The following SMG7 variants were observed in gnomAD, a reference collection of about 807,000 sequenced individuals.
SMG7 encodes nonsense-mediated mRNA decay factor SMG7.
Under a neutral mutation model 148.2 loss-of-function variants are expected in SMG7, and 34 were observed. That is an observed-to-expected ratio of 0.23 (90% CI 0.17 to 0.31). The LOEUF is 0.31. Among genes scored for constraint, SMG7 ranks in the 10% least tolerant of loss-of-function variants. The probability of loss-of-function intolerance (pLI) is 1.00; values close to 1 mark genes in which losing one functional copy is unlikely to be tolerated. For missense variants in SMG7, 1,114 were observed against 1,408.4 expected, an observed-to-expected ratio of 0.79 and a Z score of 3.35; for synonymous variants, 492 against 515.1, an observed-to-expected ratio of 0.96 and a Z score of 0.61.
At chr1:183,483,489 A>AT (rs1424636965) in intron 1 of SMG7, among the ~76,000 whole-genome samples, 1 of 152,052 alleles carries the variant, frequency 6.6e-6, no homozygotes, top group Admixed American at 6.6e-5. Flanking sequence ...CTTACTTGAA[A>AT]TTTTTTTTAT....
At position 183,546,238 on chromosome 1, in the gene SMG7, A is replaced by G; in HGVS notation, c.2643A>G (p.Arg881=). The change falls in exon 17 of 23, where the codon AGA becomes AGG. Residue 881 remains arginine (R), a synonymous_variant. Coordinates refer to ENST00000688051, the MANE Select transcript of SMG7 (RefSeq NM_001375584.1). ...WDSSYSMADN[R]SVMAQQANID... is the part of the protein sequence containing the mutation. The stretch of plus-strand genomic sequence containing the variant: ...CTTCCTACAGCATGGCTGATAACAG[A>G]TCTGTAATGGCACAGCAAGCAAACA... 3 of 1,614,084 alleles carry G rather than the reference A, an allele frequency of 1.9e-6. No individual in the cohort carries two copies. Among genetic ancestry groups the G allele is most frequent in the Non-Finnish European group, 1.7e-6 (2 of 1,179,972 alleles).
intron 16 of SMG7, 43 bp downstream of exon 16, chr1:183,545,355 G>T (rs1159825268): frequency 1.3e-6 from 2 of 1,567,844 alleles, no homozygotes; most frequent in Non-Finnish European, 8.6e-7. Context: ...ATGAAATAAG[G>T]GGAAATGCTG....
At chr1:183,474,160 G>A (rs74132144) in intron 1 of SMG7, among the ~76,000 whole-genome samples, 2,149 of 152,294 alleles carry the variant, frequency 0.014, 53 homozygotes, top group African/African-American at 0.048. Context: ...TGTTGTAGGT[G>A]CTATAGAGAG....
chr1:183,499,186 A>C (rs1659222256), intron 1 of SMG7, among the ~76,000 whole-genome samples: 1 of 152,176 alleles, frequency 6.6e-6, no homozygotes, highest in Non-Finnish European at 1.5e-5. Flanking sequence ...TGAATGGATA[A>C]ATTAGTTTTC....
chr1:183,488,988 CTTTT>C (rs933179568), intron 1 of SMG7, among the ~76,000 whole-genome samples: 1 of 151,948 alleles, frequency 6.6e-6, no homozygotes, highest in Non-Finnish European at 1.5e-5. Context: ...CTGGCCAAGG[CTTTT>C]TTTCTTTTTA....
At chr1:183,490,135 G>T (rs972807404) in intron 1 of SMG7, among the ~76,000 whole-genome samples, 2 of 152,206 alleles carry the variant, frequency 1.3e-5, no homozygotes, top group Non-Finnish European at 2.9e-5. Context: ...TCTTAGATTG[G>T]TCAGGGAAGG....
At chr1:183,500,645 A>C (rs1659518743) in intron 1 of SMG7, among the ~76,000 whole-genome samples, 1 of 152,166 alleles carries the variant, frequency 6.6e-6, no homozygotes, top group Admixed American at 6.5e-5. Flanking sequence ...TGTGGGCATT[A>C]AGATGCACTG....
In SMG7 at chr1:183,545,187, G is replaced by A. The variant is rs372917832; in HGVS notation, c.2245G>A (p.Ala749Thr). ...CCAGCAACCCCTTACATCTTTACCA[G>A]CTCAGCCAACAGCACAGTCTACAAG... ...PSQQPLTSLP[A>T]QPTAQSTSQL... The change falls in exon 16 of 23, where the codon GCT becomes ACT. Residue 749 changes from alanine to threonine, a missense_variant. By Grantham distance (58) the Ala-to-Thr change is moderately conservative. Around this residue, in one of 4 missense-constraint regions of SMG7, gnomAD observed 788 missense variants for 894.5 expected, o/e 0.88. Coordinates refer to ENST00000688051, the MANE Select transcript of SMG7 (RefSeq NM_001375584.1). The A allele has an allele frequency of 6.2e-7, 1 of 1,613,986 alleles. No homozygotes were observed. The highest frequency in any genetic ancestry group is 1.3e-5 in the African/African-American group (1 of 74,904).
At chr1:183,549,016 A>G (rs1055035427) in intron 18 of SMG7, 192 bp from the exon 19 acceptor site, 25 of 586,816 alleles carry the variant, frequency 4.3e-5, no homozygotes, top group South Asian at 8.4e-5. Flanking sequence ...GGAGGATTCT[A>G]TGCACCTGTG....
rs1296990864 is a variant in SMG7, at chr1:183,547,102, G to A, written c.2743-1G>A. ...CTCACTGTGATGCTTTCTGTCACTA[G>A]GACCCCAAGAGCTCCCCTCTGCTTC... On this transcript the variant is annotated splice_acceptor_variant, in intron 17 of 22. Coordinates refer to ENST00000688051, the MANE Select transcript of SMG7 (RefSeq NM_001375584.1). LOFTEE classifies it high-confidence loss of function. The A allele has an allele frequency of 6.5e-7, 1 of 1,548,382 alleles. No homozygotes were observed. Among genetic ancestry groups the A allele is most frequent in the Non-Finnish European group, 8.7e-7 (1 of 1,146,060 alleles).
In SMG7 at chr1:183,477,656, A is replaced by G. The variant is rs983654887; in HGVS notation, c.29+5007A>G. 1.1e-4 allele frequency among the ~76,000 whole-genome samples: 15 copies of G among 135,290 alleles called. 1 individual carries two copies. Among genetic ancestry groups the G allele is most frequent in the African/African-American group, 2.8e-4 (10 of 35,290 alleles). 88.8% of individuals were successfully genotyped at this position (135,290 alleles called of 152,430 possible). Reference sequence around the variant, plus strand: ...TATATATGCATATATACGTGTGTGCATATGTGTATATATGCATATATACGT... The same window carrying G: ...TATATATGCATATATACGTGTGTGCGTATGTGTATATATGCATATATACGT... On this transcript the variant is annotated intron_variant, in intron 1 of 22. Transcript: ENST00000688051.
rs1386836959 is a variant in SMG7, at chr1:183,550,804, C to G, written c.3187C>G (p.Pro1063Ala). 4.3e-6 allele frequency: 7 copies of G among 1,614,156 alleles called. No homozygotes were observed. The Middle Eastern group carries it at 6.6e-4, about 152-fold the overall frequency. ...TCATTCCTCTAACCCAAGCAGCCTA[C>G]CCAGCTCTCCTCCAACACACAACCA... Reference protein sequence around the residue: ...SPHSSNPSSLPSSPPTHNHNS... With the variant: ...SPHSSNPSSLASSPPTHNHNS... Residue 1063 changes from proline to alanine, a missense_variant, in exon 21 of 23, where the codon CCC (proline) becomes GCC (alanine). Transcript: ENST00000688051.
At chr1:183,550,946 G>A in intron 21 of SMG7, 25 bp downstream of exon 21, 1 of 1,613,880 alleles carries the variant, frequency 6.2e-7, no homozygotes, top group Non-Finnish European at 8.5e-7. Flanking sequence ...TCATTGCCAG[G>A]CAAAATTGAA....
chr1:183,542,927 ATGTG>A (rs3979479), intron 14 of SMG7, among the ~76,000 whole-genome samples: 2,850 of 85,100 alleles, frequency 0.033, 92 homozygotes, highest in African/African-American at 0.096. Context: ...ATATATATAT[ATGTG>A]TGTGTGTGTG....
At chr1:183,551,222 A>G in intron 22 of SMG7, 32 bp downstream of exon 22, 1 of 1,542,338 alleles carries the variant, frequency 6.5e-7, no homozygotes, top group Non-Finnish European at 8.7e-7. Flanking sequence ...GAACCACAAG[A>G]TTATTACAGC....
intron 1 of SMG7, among the ~76,000 whole-genome samples, chr1:183,507,730 T>C (rs1449541252): frequency 2.0e-5 from 3 of 152,210 alleles, no homozygotes; most frequent in Non-Finnish European, 4.4e-5. Context: ...ACCTGTAGTA[T>C]AGTATATAGT....
chr1:183,503,032 A>C (rs1660087069), intron 1 of SMG7, among the ~76,000 whole-genome samples: 1 of 152,220 alleles, frequency 6.6e-6, no homozygotes, highest in South Asian at 2.1e-4. Context: ...GGCCTTAAAT[A>C]TGTTTATGAG....
chr1:183,502,665 A>T (rs1660000985), intron 1 of SMG7, among the ~76,000 whole-genome samples: 1 of 152,290 alleles, frequency 6.6e-6, no homozygotes, highest in East Asian at 1.9e-4. Context: ...TTTGTTTTAT[A>T]TGAGGTCTCT....
At chr1:183,504,063 C>G (rs921462165) in intron 1 of SMG7, among the ~76,000 whole-genome samples, 1 of 152,174 alleles carries the variant, frequency 6.6e-6, no homozygotes, top group South Asian at 2.1e-4. Flanking sequence ...TCTTTTCCAA[C>G]ACTCCCAGTG....
Sources: allele counts gnomAD v4.1 joint callset (sites outside exome capture counted in the v4.1 genomes callset), GRCh38; gene constraint gnomAD v4.1.1; regional missense constraint gnomAD v4.1.1; transcripts MANE v1.5; gene names NCBI Gene and HGNC (gene_info 2026-07-23, HGNC 2026-07-21).